ARHGAP8: variants seen among roughly 807,000 people sequenced by gnomAD.
ARHGAP8 encodes Rho GTPase activating protein 8.
A neutral mutation model predicts 46.1 loss-of-function variants in ARHGAP8; 62 were observed. The ratio of observed to expected loss-of-function variants is 1.34; its 90% CI spans 1.10 to 1.66. ARHGAP8 has a LOEUF of 1.66. Ranked by LOEUF, ARHGAP8 falls within the 40% of genes most tolerant of loss-of-function variation. The pLI, the probability that ARHGAP8 is intolerant of heterozygous loss-of-function variation, is 0.00. For synonymous variants in ARHGAP8, 375 were observed against 243.1 expected (o/e 1.54, Z -5.05); for missense variants, 923 against 568.4 (o/e 1.62, Z -6.34).
intron 2 of ARHGAP8, among the ~76,000 whole-genome samples, chr22:44,789,455 CTT>C (rs1034299295): frequency 6.6e-6 from 1 of 151,858 alleles, no homozygotes; most frequent in African/African-American, 2.4e-5. Context: ...CCGGCCGATG[CTT>C]TGTTACTAGG....
chr22:44,802,056 C>T (rs766714509), intron 2 of ARHGAP8, 21 bp from the exon 3 acceptor site: 7 of 1,613,572 alleles, frequency 4.3e-6, no homozygotes, highest in South Asian at 2.2e-5. Context: ...CACAGAGGCT[C>T]ACCTGTGTCT....
Position 44,787,541 on chromosome 22 carries a change from C to T in ARHGAP8, c.79+935C>T, listed in dbSNP as rs151122010. Among the ~76,000 whole-genome samples the T allele has an allele frequency of 5.4e-3, 819 of 152,166 alleles. 11 individuals are homozygous for T. The highest frequency in any genetic ancestry group is 0.017 in the African/African-American group (723 of 41,510). The stretch of plus-strand genomic sequence containing the variant: ...TGTATTTTTAGTAGAGACGGGGTTT[C>T]GCCATTTTGGTCAGGCTGGTCTTGA... On this transcript the variant is annotated intron_variant, in intron 2 of 11. Coordinates refer to ENST00000356099, the MANE Select transcript of ARHGAP8 (RefSeq NM_181335.3).
chr22:44,753,045 G>A lies in ARHGAP8; in HGVS notation c.-72+418G>A, dbSNP rs553860174. Among the ~76,000 whole-genome samples, 549 of 151,652 alleles carry A rather than the reference G, an allele frequency of 3.6e-3. 5 individuals carry two copies. Among genetic ancestry groups the A allele is most frequent in the African/African-American group, 0.012 (488 of 41,340 alleles). The stretch of plus-strand genomic sequence containing the variant: ...TCAGGTTAGGTCGGGTCAGCGCCTG[G>A]GGGAGGCACCTCCCCCGCCCCCACA... On this transcript the variant is annotated intron_variant, in intron 1 of 11. Coordinates refer to ENST00000356099, the MANE Select transcript of ARHGAP8 (RefSeq NM_181335.3).
At chr22:44,799,315 C>T (rs1928317382) in intron 2 of ARHGAP8, among the ~76,000 whole-genome samples, 3 of 152,274 alleles carry the variant, frequency 2.0e-5, no homozygotes. Flanking sequence ...GAGCCCCTGC[C>T]TCTGTGCTCA....
At chr22:44,833,209 G>A (rs1255866310) in intron 7 of ARHGAP8, among the ~76,000 whole-genome samples, 1 of 149,426 alleles carries the variant, frequency 6.7e-6, no homozygotes, top group Admixed American at 6.8e-5. Flanking sequence ...TGATCCTCCT[G>A]TCTCAGCTTC....
At chr22:44,814,280 TC>T (rs1929573548) in intron 4 of ARHGAP8, among the ~76,000 whole-genome samples, 1 of 152,172 alleles carries the variant, frequency 6.6e-6, no homozygotes, top group Non-Finnish European at 1.5e-5. Context: ...CACGGTGAGC[TC>T]CTTCTAGCCC....
intron 3 of ARHGAP8, among the ~76,000 whole-genome samples, chr22:44,803,366 A>C (rs1209366928): frequency 2.0e-5 from 3 of 152,136 alleles, no homozygotes; most frequent in Admixed American, 6.5e-5. Flanking sequence ...CAGTTTCCCA[A>C]ACTAACTTGG....
At chr22:44,859,645 C>T (rs559625737) in intron 10 of ARHGAP8, 86 bp from the exon 11 acceptor site, 24 of 1,444,222 alleles carry the variant, frequency 1.7e-5, no homozygotes, top group South Asian at 1.5e-4. Flanking sequence ...GCTGTCCTTC[C>T]TACACCCCTG....
intron 1 of ARHGAP8, among the ~76,000 whole-genome samples, chr22:44,763,724 G>A (rs1602142205): frequency 6.6e-6 from 1 of 151,736 alleles, no homozygotes; most frequent in East Asian, 1.9e-4. Context: ...GGGAGGAAGG[G>A]AGAGAAGGCA....
intron 2 of ARHGAP8, among the ~76,000 whole-genome samples, chr22:44,797,669 G>A (rs1189769923): frequency 6.6e-6 from 1 of 152,254 alleles, no homozygotes; most frequent in Non-Finnish European, 1.5e-5. Context: ...CTCCTGGGAA[G>A]AATCAGATGC....
At chr22:44,794,095 G>C (rs551337470) in intron 2 of ARHGAP8, among the ~76,000 whole-genome samples, 1 of 152,196 alleles carries the variant, frequency 6.6e-6, no homozygotes, top group African/African-American at 2.4e-5. Flanking sequence ...CCACCCTGAC[G>C]CTCACTTGGC....
chr22:44,860,672 G>A (rs1199192464), intron 11 of ARHGAP8, among the ~76,000 whole-genome samples: 1 of 151,590 alleles, frequency 6.6e-6, no homozygotes, highest in Non-Finnish European at 1.5e-5. Flanking sequence ...CAGAGAGAGA[G>A]AAACCCTTCA....
At chr22:44,816,165 C>CAT (rs470063) in intron 5 of ARHGAP8, among the ~76,000 whole-genome samples, 103,371 of 151,828 alleles carry the variant, frequency 0.68, 35,381 homozygotes, top group East Asian at 0.89. Flanking sequence ...GAAGCCCACT[C>CAT]GTGGCTCTGA....
At chr22:44,783,009 C>A (rs563222714) in intron 1 of ARHGAP8, among the ~76,000 whole-genome samples, 1 of 151,966 alleles carries the variant, frequency 6.6e-6, no homozygotes, top group Non-Finnish European at 1.5e-5. Flanking sequence ...GGATGGTTCC[C>A]GCAGTGGGCC....
At chr22:44,793,834 G>A (rs1004920584) in intron 2 of ARHGAP8, among the ~76,000 whole-genome samples, 1 of 152,208 alleles carries the variant, frequency 6.6e-6, no homozygotes, top group African/African-American at 2.4e-5. Flanking sequence ...ATTGAAGCCT[G>A]GTTTTGATGT....
At chr22:44,815,827 CTG>C (rs983676397) in intron 5 of ARHGAP8, among the ~76,000 whole-genome samples, 12 of 151,186 alleles carry the variant, frequency 7.9e-5, no homozygotes, top group African/African-American at 2.7e-4. Context: ...CAGGCACAAA[CTG>C]TGTGCACAGA....
chr22:44,783,114 A>G (rs1313360053), intron 1 of ARHGAP8, among the ~76,000 whole-genome samples: 1 of 149,010 alleles, frequency 6.7e-6, no homozygotes, highest in African/African-American at 2.5e-5. Flanking sequence ...TTTCTGCTCA[A>G]TCTTCTCAGG....
At chr22:44,859,018 T>G (rs909123080) in intron 10 of ARHGAP8, among the ~76,000 whole-genome samples, 2 of 151,718 alleles carry the variant, frequency 1.3e-5, no homozygotes, top group Admixed American at 1.3e-4. Flanking sequence ...AAGAAAACGT[T>G]ATTGGCAAAA....
chr22:44,858,659 C>T (rs1164526266), intron 10 of ARHGAP8, among the ~76,000 whole-genome samples: 2 of 150,134 alleles, frequency 1.3e-5, no homozygotes, highest in Admixed American at 6.7e-5. Flanking sequence ...GCATGAGCCA[C>T]TGTGCCTGGC....
Sources: allele counts gnomAD v4.1 joint callset (sites outside exome capture counted in the v4.1 genomes callset), GRCh38; gene constraint gnomAD v4.1.1; transcripts MANE v1.5; gene names NCBI Gene and HGNC (gene_info 2026-07-23, HGNC 2026-07-21).